The following LRRC75A variants were observed in gnomAD, a reference collection of about 807,000 sequenced individuals.
The protein encoded by LRRC75A is leucine rich repeat containing 75A.
Under a neutral mutation model 26.0 loss-of-function variants are expected in LRRC75A, and 12 were observed. The ratio of observed to expected loss-of-function variants is 0.46; its 90% CI spans 0.30 to 0.75. The LOEUF (loss-of-function observed/expected upper bound fraction) is 0.75. LRRC75A is among the 30% of genes least tolerant of loss of function. The pLI, the probability that LRRC75A is intolerant of heterozygous loss-of-function variation, is 0.08. For missense variants in LRRC75A, 410 were observed against 486.6 expected (o/e 0.84, Z 1.48); for synonymous variants, 223 against 219.3 (o/e 1.02, Z -0.15).
At chr17:16,478,015 C>T (rs553853248) in intron 1 of LRRC75A, among the ~76,000 whole-genome samples, 11 of 151,544 alleles carry the variant, frequency 7.3e-5, no homozygotes, top group Non-Finnish European at 1.5e-4. Flanking sequence ...TGCAGCATCT[C>T]AGGCCTCTCT....
At chr17:16,483,943 G>C (rs1006045945) in intron 1 of LRRC75A, among the ~76,000 whole-genome samples, 1 of 152,082 alleles carries the variant, frequency 6.6e-6, no homozygotes, top group African/African-American at 2.4e-5. Flanking sequence ...TTAATTTTCT[G>C]CTCATCTAAT....
chr17:16,490,743 T>C (rs567263002), intron 1 of LRRC75A, among the ~76,000 whole-genome samples: 1 of 152,256 alleles, frequency 6.6e-6, no homozygotes, highest in East Asian at 1.9e-4. Context: ...ACCTGAGATT[T>C]TCCCTCTGCC....
chr17:16,458,234 G>C (rs2093700095), intron 2 of LRRC75A, among the ~76,000 whole-genome samples: 1 of 151,920 alleles, frequency 6.6e-6, no homozygotes, highest in Non-Finnish European at 1.5e-5. Context: ...TTAAACCCGG[G>C]AGGCAGAGGT....
At chr17:16,457,341 A>T (rs909943159) in intron 2 of LRRC75A, among the ~76,000 whole-genome samples, 2 of 151,802 alleles carry the variant, frequency 1.3e-5, no homozygotes, top group African/African-American at 4.8e-5. Flanking sequence ...CCCACAGTCC[A>T]CTCTGCCCTT....
At chr17:16,464,148 G>C (rs1242019146) in intron 1 of LRRC75A, among the ~76,000 whole-genome samples, 2 of 152,206 alleles carry the variant, frequency 1.3e-5, no homozygotes, top group African/African-American at 4.8e-5. Flanking sequence ...CCAGTTGTGA[G>C]GGCTGTTTTC....
chr17:16,453,310 A>G (rs1261156736), intron 2 of LRRC75A, among the ~76,000 whole-genome samples: 6 of 102,130 alleles, frequency 5.9e-5, no homozygotes, highest in Non-Finnish European at 1.2e-4. Flanking sequence ...ACACACACAC[A>G]CGCACACACG....
intron 1 of LRRC75A, among the ~76,000 whole-genome samples, chr17:16,480,179 G>C (rs576982675): frequency 6.6e-6 from 1 of 152,290 alleles, no homozygotes; most frequent in South Asian, 2.1e-4. Flanking sequence ...TCCACATTAT[G>C]GGGAGTTGTA....
chr17:16,465,765 C>T (rs1471462867), intron 1 of LRRC75A, among the ~76,000 whole-genome samples: 1 of 152,224 alleles, frequency 6.6e-6, no homozygotes, highest in Non-Finnish European at 1.5e-5. Context: ...CCCGCGCCAT[C>T]CCCCTGGTTG....
intron 1 of LRRC75A, among the ~76,000 whole-genome samples, chr17:16,472,843 C>A (rs1431201503): frequency 6.6e-6 from 1 of 152,102 alleles, no homozygotes; most frequent in Non-Finnish European, 1.5e-5. Flanking sequence ...TATTAAATTT[C>A]AAGAACTATT....
At chr17:16,472,305 G>A (rs2093808892) in intron 1 of LRRC75A, among the ~76,000 whole-genome samples, 3 of 152,090 alleles carry the variant, frequency 2.0e-5, no homozygotes, top group Admixed American at 1.3e-4. Context: ...TGTGGGGCCT[G>A]GCGAGAGGAA....
intron 1 of LRRC75A, among the ~76,000 whole-genome samples, chr17:16,468,508 G>C (rs2093786306): frequency 6.6e-6 from 1 of 152,192 alleles, no homozygotes; most frequent in Non-Finnish European, 1.5e-5. Context: ...ATGTAGACTA[G>C]TTAATTCATA....
intron 2 of LRRC75A, among the ~76,000 whole-genome samples, chr17:16,456,205 AGG>A (rs1568960818): frequency 1.8e-5 from 1 of 56,884 alleles, no homozygotes; most frequent in Admixed American, 1.6e-4. Flanking sequence ...GAGGAGGAAG[AGG>A]AGGAGGAAGA....
intron 2 of LRRC75A, among the ~76,000 whole-genome samples, chr17:16,459,723 T>G (rs556618692): frequency 6.6e-6 from 1 of 152,244 alleles, no homozygotes; most frequent in South Asian, 2.1e-4. Context: ...CATGAACTTC[T>G]CAGATGCAAA....
intron 1 of LRRC75A, among the ~76,000 whole-genome samples, chr17:16,466,763 T>C (rs1197500230): frequency 6.6e-6 from 1 of 152,188 alleles, no homozygotes; most frequent in African/African-American, 2.4e-5. Flanking sequence ...GTCTGGGGAC[T>C]CGCTGCAATG....
intron 1 of LRRC75A, among the ~76,000 whole-genome samples, chr17:16,472,627 C>G (rs2093810197): frequency 2.0e-5 from 3 of 152,166 alleles, no homozygotes; most frequent in African/African-American, 7.2e-5. Flanking sequence ...ATACGGAAAT[C>G]TGGTATTTCA....
Position 16,443,471 on chromosome 17 carries a change from G to T in LRRC75A, c.*117C>A. On this transcript the variant is annotated 3_prime_UTR_variant, in exon 4 of 4. Coordinates refer to ENST00000470794, the MANE Select transcript of LRRC75A (RefSeq NM_001113567.3). ...TGGTTTGCCTTTCTGTAGGTGGGTG[G>T]CCCAGGCCAATTTTTGGCAATATCC... 2.1e-6 allele frequency: 2 copies of T among 968,582 alleles called. No individual in the cohort carries two copies. Among genetic ancestry groups the T allele is most frequent in the Non-Finnish European group, 2.9e-6 (2 of 680,664 alleles). 60.0% of individuals were successfully genotyped at this position (968,582 alleles called of 1,614,324 possible). A position where few individuals can be genotyped will look rare whatever the true frequency, so the allele number is the denominator to read the frequency against.
chr17:16,465,001 G>GA (rs2093757159), intron 1 of LRRC75A, among the ~76,000 whole-genome samples: 1 of 152,238 alleles, frequency 6.6e-6, no homozygotes, highest in Non-Finnish European at 1.5e-5. Context: ...CAGGGAGCTG[G>GA]AGAAGGAGGG....
At chr17:16,473,441 G>A (rs1247683859) in intron 1 of LRRC75A, among the ~76,000 whole-genome samples, 2 of 152,288 alleles carry the variant, frequency 1.3e-5, no homozygotes, top group South Asian at 4.1e-4. Flanking sequence ...GCATTGCCCG[G>A]CTCCTGGTCC....
At chr17:16,464,572 C>G (rs1216234043) in intron 1 of LRRC75A, among the ~76,000 whole-genome samples, 1 of 152,230 alleles carries the variant, frequency 6.6e-6, no homozygotes, top group Non-Finnish European at 1.5e-5. Context: ...TACTACATTT[C>G]TGCCCCCTCC....
Sources: gnomAD v4.1 joint callset for allele counts (sites outside exome capture counted in the v4.1 genomes callset) on GRCh38, gnomAD v4.1.1 for gene constraint, MANE v1.5 for transcripts, NCBI Gene and HGNC (gene_info 2026-07-23, HGNC 2026-07-21) for gene names.